The following FBXL7 variants were observed in gnomAD, a reference collection of about 807,000 sequenced individuals.
The protein encoded by FBXL7 is F-box/LRR-repeat protein 7.
Under a neutral mutation model 38.3 loss-of-function variants are expected in FBXL7, and 12 were observed. That is an observed-to-expected ratio of 0.31 (90% CI 0.20 to 0.51). The LOEUF (loss-of-function observed/expected upper bound fraction) is 0.51, where lower values mean the gene tolerates loss of function less well. Among genes scored for constraint, FBXL7 ranks in the 20% least tolerant of loss-of-function variants. FBXL7 has a pLI of 0.98. For missense variants in FBXL7, 567 were observed against 676.4 expected, an observed-to-expected ratio of 0.84 and a Z score of 1.79; for synonymous variants, 297 against 300.9, an observed-to-expected ratio of 0.99 and a Z score of 0.13.
intron 1 of FBXL7, among the ~76,000 whole-genome samples, chr5:15,547,350 C>A (rs193111903): frequency 1.3e-5 from 2 of 152,158 alleles, no homozygotes; most frequent in African/African-American, 4.8e-5. Context: ...TGGGGAGCCA[C>A]GCTTAGCAGC....
At chr5:15,725,913 A>G (rs1392325519) in intron 2 of FBXL7, among the ~76,000 whole-genome samples, 2 of 152,092 alleles carry the variant, frequency 1.3e-5, no homozygotes, top group East Asian at 1.9e-4. Context: ...TAAGTTCTCT[A>G]TTTACTGACT....
At chr5:15,875,405 G>T (rs1024472330) in intron 2 of FBXL7, among the ~76,000 whole-genome samples, 1 of 152,156 alleles carries the variant, frequency 6.6e-6, no homozygotes, top group Non-Finnish European at 1.5e-5. Flanking sequence ...TGACAAATAG[G>T]ATCTAATTAA....
At chr5:15,858,744 G>A (rs777752261) in intron 2 of FBXL7, among the ~76,000 whole-genome samples, 13 of 151,964 alleles carry the variant, frequency 8.6e-5, no homozygotes, top group Non-Finnish European at 1.6e-4. Flanking sequence ...GATTTTTTGA[G>A]TCTGATTTAA....
chr5:15,562,409 C>A (rs980988738), intron 1 of FBXL7, among the ~76,000 whole-genome samples: 1 of 152,002 alleles, frequency 6.6e-6, no homozygotes, highest in Non-Finnish European at 1.5e-5. Flanking sequence ...TTATGTAACT[C>A]AATGGCAAAA....
chr5:15,789,695 T>C (rs765405854), intron 2 of FBXL7, among the ~76,000 whole-genome samples: 3 of 152,234 alleles, frequency 2.0e-5, no homozygotes, highest in Non-Finnish European at 4.4e-5. Flanking sequence ...CCCACTCCTT[T>C]GGTTCCAATC....
chr5:15,560,064 CT>C (rs958833024), intron 1 of FBXL7, among the ~76,000 whole-genome samples: 2 of 152,142 alleles, frequency 1.3e-5, no homozygotes, highest in African/African-American at 4.8e-5. Flanking sequence ...TGTACCTTCC[CT>C]TGGACCTAGA....
chr5:15,734,461 T>C, intron 2 of FBXL7, among the ~76,000 whole-genome samples: 1 of 152,232 alleles, frequency 6.6e-6, no homozygotes, highest in East Asian at 1.9e-4. Flanking sequence ...CAATGTGGAT[T>C]ATTGTAAGAC....
intron 1 of FBXL7, among the ~76,000 whole-genome samples, chr5:15,591,733 A>T (rs908786596): frequency 1.3e-5 from 2 of 151,932 alleles, no homozygotes; most frequent in African/African-American, 4.8e-5. Flanking sequence ...TACTTTTGAG[A>T]TGGAGTCTTG....
chr5:15,534,046 G>A (rs1255053966), intron 1 of FBXL7, among the ~76,000 whole-genome samples: 2 of 152,032 alleles, frequency 1.3e-5, no homozygotes, highest in Non-Finnish European at 2.9e-5. Flanking sequence ...TAGGTTAACA[G>A]CAAAATTGAA....
intron 2 of FBXL7, among the ~76,000 whole-genome samples, chr5:15,682,453 A>G (rs961974779): frequency 7.9e-5 from 12 of 152,336 alleles, no homozygotes; most frequent in African/African-American, 2.9e-4. Flanking sequence ...AACATCTTAC[A>G]GAGACAAAAA....
chr5:15,894,028 C>G (rs779748207), intron 2 of FBXL7, among the ~76,000 whole-genome samples: 15 of 152,236 alleles, frequency 9.9e-5, no homozygotes, highest in Non-Finnish European at 2.1e-4. Flanking sequence ...TGGCTTACGC[C>G]TGTAATCCCA....
intron 2 of FBXL7, among the ~76,000 whole-genome samples, chr5:15,901,203 AT>A (rs1301976732): frequency 4.6e-5 from 7 of 152,192 alleles, no homozygotes; most frequent in African/African-American, 1.7e-4. Context: ...ACAGAAATGT[AT>A]TTCTCACAGC....
chr5:15,650,349 A>C (rs1479088189), intron 2 of FBXL7, among the ~76,000 whole-genome samples: 1 of 152,230 alleles, frequency 6.6e-6, no homozygotes, highest in African/African-American at 2.4e-5. Flanking sequence ...ATTTTAAAAT[A>C]CTTTATTGCT....
chr5:15,589,981 G>A (rs929929939), intron 1 of FBXL7, among the ~76,000 whole-genome samples: 5 of 152,152 alleles, frequency 3.3e-5, no homozygotes, highest in African/African-American at 4.8e-5. Context: ...AAACAATGAA[G>A]GTTGGGACTT....
chr5:15,924,450 T>C (rs906011232), intron 2 of FBXL7, among the ~76,000 whole-genome samples: 4 of 150,730 alleles, frequency 2.7e-5, no homozygotes, highest in Non-Finnish European at 4.4e-5. Flanking sequence ...CCATCATCTG[T>C]TGCGACAGTA....
At chr5:15,846,130 G>C (rs955005413) in intron 2 of FBXL7, among the ~76,000 whole-genome samples, 2 of 152,186 alleles carry the variant, frequency 1.3e-5, no homozygotes, top group Non-Finnish European at 2.9e-5. Flanking sequence ...CAAATATGTA[G>C]ATAACAAACA....
At chr5:15,754,371 T>A (rs370621163) in intron 2 of FBXL7, among the ~76,000 whole-genome samples, 152 of 152,242 alleles carry the variant, frequency 1.0e-3, no homozygotes, top group African/African-American at 3.4e-3. Context: ...ATTAGCAGTA[T>A]CTCTGAGTGG....
chr5:15,899,671 C>A (rs1304210876), intron 2 of FBXL7, among the ~76,000 whole-genome samples: 2 of 152,114 alleles, frequency 1.3e-5, no homozygotes, highest in African/African-American at 2.4e-5. Context: ...GTCATGCAGT[C>A]TCCCCAGTCA....
Position 15,928,296 on chromosome 5 carries a change from C to T in FBXL7, c.534C>T (p.Cys178=), listed in dbSNP as rs746310737. ...TCAAGGTGCTGACCCGCAGACTCTG[C>T]CAGGACACCCCCAACGTGTGTCTCA... ...RALKVLTRRL[C]QDTPNVCLML... is the part of the protein sequence containing the mutation. Residue 178 remains cysteine (C), a synonymous_variant, in exon 3 of 4, where the codon TGC becomes TGT. Transcript: ENST00000504595. This position sits in a 1 kb window ranked among gnomAD's most constrained non-coding sequence, Gnocchi z 4.0. 2 of 1,613,408 alleles carry T rather than the reference C, an allele frequency of 1.2e-6. No individual in the cohort carries two copies.
Sources: gnomAD v4.1 joint callset for allele counts (sites outside exome capture counted in the v4.1 genomes callset) on GRCh38, gnomAD v4.1.1 for gene constraint, Gnocchi (gnomAD v3.1) non-coding constraint, MANE v1.5 for transcripts, NCBI Gene and HGNC (gene_info 2026-07-23, HGNC 2026-07-21) for gene names.